Variants in MIR2052HG observed in about 807,000 individuals in gnomAD.
The protein encoded by MIR2052HG is MIR2052 host gene.
intron 2 of MIR2052HG, among the ~76,000 whole-genome samples, chr8:74,633,903 A>C (rs1382988272): frequency 6.6e-6 from 1 of 152,232 alleles, no homozygotes; most frequent in African/African-American, 2.4e-5. Flanking sequence ...TACATTTCTA[A>C]GTTGGTTAAT....
At chr8:74,620,349 C>G (rs940300773) in intron 2 of MIR2052HG, among the ~76,000 whole-genome samples, 1 of 152,216 alleles carries the variant, frequency 6.6e-6, no homozygotes, top group Non-Finnish European at 1.5e-5. Flanking sequence ...CATAGCTCCT[C>G]TAGGCAGTGC....
intron 4 of MIR2052HG, among the ~76,000 whole-genome samples, chr8:74,752,160 T>C (rs1563546769): frequency 3.3e-5 from 5 of 151,336 alleles, no homozygotes; most frequent in Admixed American, 2.0e-4. Context: ...CCTCTGCCTA[T>C]AGACCCAGCT....
At chr8:74,721,188 G>A (rs1322084912) in intron 4 of MIR2052HG, among the ~76,000 whole-genome samples, 3 of 152,294 alleles carry the variant, frequency 2.0e-5, no homozygotes, top group East Asian at 3.9e-4. Context: ...CTGTGTTCCA[G>A]TGGATGGGCT....
chr8:74,754,298 A>C (rs143178760), intron 5 of MIR2052HG, among the ~76,000 whole-genome samples: 19 of 152,314 alleles, frequency 1.2e-4, no homozygotes, highest in Admixed American at 3.9e-4. Flanking sequence ...GCAGCATTTA[A>C]TAGTATTGAT....
At chr8:74,665,540 C>G (rs557720640) in intron 2 of MIR2052HG, among the ~76,000 whole-genome samples, 1 of 152,314 alleles carries the variant, frequency 6.6e-6, no homozygotes, top group Admixed American at 6.5e-5. Flanking sequence ...CATTGCTTCC[C>G]TCCTTGCTAT....
At chr8:74,690,949 C>G (rs528617538) in intron 2 of MIR2052HG, among the ~76,000 whole-genome samples, 3 of 152,182 alleles carry the variant, frequency 2.0e-5, no homozygotes, top group Non-Finnish European at 1.5e-5. Flanking sequence ...TTATGTATGA[C>G]GTTTATTCAC....
intron 4 of MIR2052HG, among the ~76,000 whole-genome samples, chr8:74,740,318 G>A (rs1052974014): frequency 6.6e-6 from 1 of 152,084 alleles, no homozygotes; most frequent in Admixed American, 6.6e-5. Flanking sequence ...ACAAAAATTA[G>A]CCAGGTGTGG....
chr8:74,718,243 A>G (rs1809539924), intron 4 of MIR2052HG, among the ~76,000 whole-genome samples: 1 of 151,860 alleles, frequency 6.6e-6, no homozygotes, highest in African/African-American at 2.4e-5. Flanking sequence ...GAATTTAAGG[A>G]AACATATTAG....
At chr8:74,721,363 A>T (rs557504155) in intron 4 of MIR2052HG, among the ~76,000 whole-genome samples, 3 of 152,210 alleles carry the variant, frequency 2.0e-5, no homozygotes, top group Non-Finnish European at 4.4e-5. Context: ...CCAAGACTTA[A>T]TGTGCTCAAA....
intron 2 of MIR2052HG, among the ~76,000 whole-genome samples, chr8:74,683,938 A>G (rs1031553579): frequency 3.9e-5 from 6 of 152,042 alleles, no homozygotes; most frequent in Admixed American, 3.9e-4. Context: ...TCCTGGTGGT[A>G]CCTTCTAAAC....
intron 2 of MIR2052HG, among the ~76,000 whole-genome samples, chr8:74,697,962 A>G (rs1809315725): frequency 6.6e-6 from 1 of 152,134 alleles, no homozygotes; most frequent in Non-Finnish European, 1.5e-5. Context: ...ATGCAATTCC[A>G]ATCAAAATAC....
chr8:74,644,690 A>T (rs2128735556), intron 2 of MIR2052HG, among the ~76,000 whole-genome samples: 1 of 152,154 alleles, frequency 6.6e-6, no homozygotes, highest in South Asian at 2.1e-4. Flanking sequence ...CAGGAGTTCA[A>T]GACCAGCCTG....
At chr8:74,637,738 T>G (rs762270331) in intron 2 of MIR2052HG, among the ~76,000 whole-genome samples, 1 of 152,186 alleles carries the variant, frequency 6.6e-6, no homozygotes, top group Non-Finnish European at 1.5e-5. Context: ...TGTTTACAGA[T>G]AAGGTCTACA....
chr8:74,726,278 G>T (rs949152769), intron 4 of MIR2052HG, among the ~76,000 whole-genome samples: 4 of 152,164 alleles, frequency 2.6e-5, no homozygotes, highest in Non-Finnish European at 5.9e-5. Context: ...GACTCTAAAA[G>T]AGAGTACATG....
At chr8:74,740,230 G>C (rs1267839334) in intron 4 of MIR2052HG, among the ~76,000 whole-genome samples, 2 of 152,114 alleles carry the variant, frequency 1.3e-5, no homozygotes, top group African/African-American at 4.8e-5. Context: ...TTGAGAGGCC[G>C]AGGCAGGTGG....
chr8:74,609,270 G>T (rs12234939), intron 1 of MIR2052HG, among the ~76,000 whole-genome samples: 5 of 151,722 alleles, frequency 3.3e-5, no homozygotes, highest in African/African-American at 1.2e-4. Context: ...AACCTGAATA[G>T]TCCCATATTT....
Position 74,751,712 on chromosome 8 carries a change from G to A in MIR2052HG, n.372-729G>A, listed in dbSNP as rs556105216. On this transcript the variant is annotated intron_variant and non_coding_transcript_variant, in intron 4 of 6. Transcript: ENST00000523442. ...AAGCAAAAAGACATCTTATGTCATG[G>A]TAAAATGAACTGTAAGAACTTGCTT... Among the ~76,000 whole-genome samples the A allele has an allele frequency of 1.4e-3, 210 of 152,264 alleles. 1 individual carries two copies. The highest frequency in any genetic ancestry group is 0.014 in the Middle Eastern group (4 of 292).
intron 2 of MIR2052HG, among the ~76,000 whole-genome samples, chr8:74,670,959 A>G (rs1048865177): frequency 2.7e-5 from 4 of 149,368 alleles, no homozygotes; most frequent in Non-Finnish European, 4.5e-5. Context: ...TTTTGTCACT[A>G]TTTCATTCAT....
chr8:74,622,758 G>A (rs1808380670), intron 2 of MIR2052HG, among the ~76,000 whole-genome samples: 1 of 151,576 alleles, frequency 6.6e-6, no homozygotes, highest in African/African-American at 2.4e-5. Context: ...GAGCATGCGG[G>A]GAAAAAACGA....
Sources: allele counts gnomAD v4.1 joint callset (sites outside exome capture counted in the v4.1 genomes callset), GRCh38; gene constraint gnomAD v4.1.1; transcripts MANE v1.5; gene names NCBI Gene and HGNC (gene_info 2026-07-23, HGNC 2026-07-21).